CNN3: variants seen among roughly 807,000 people sequenced by gnomAD.
The protein encoded by CNN3 is calponin 3.
A neutral mutation model predicts 39.0 loss-of-function variants in CNN3; 11 were observed. That is an observed-to-expected ratio of 0.28 (90% CI 0.18 to 0.47). The LOEUF (loss-of-function observed/expected upper bound fraction) is 0.47. Ranked by LOEUF, CNN3 falls within the 20% of genes least tolerant of loss-of-function variation. The pLI, the probability that CNN3 is intolerant of heterozygous loss-of-function variation, is 0.99. For missense variants in CNN3, 266 were observed against 403.4 expected, an observed-to-expected ratio of 0.66 and a Z score of 2.92; for synonymous variants, 101 against 138.3, an observed-to-expected ratio of 0.73 and a Z score of 1.89.
chr1:94,900,390 T>C (rs1334345650), intron 5 of CNN3, among the ~76,000 whole-genome samples: 3 of 152,212 alleles, frequency 2.0e-5, no homozygotes, highest in Non-Finnish European at 4.4e-5. Flanking sequence ...TATATATCTA[T>C]AGATGCACAT....
intron 6 of CNN3, among the ~76,000 whole-genome samples, 180 bp downstream of exon 6, chr1:94,899,191 C>T (rs549808734): frequency 1.3e-5 from 2 of 152,260 alleles, no homozygotes; most frequent in African/African-American, 4.8e-5. Context: ...AACCACGAGA[C>T]ACATCATGCT....
chr1:94,906,263 G>A (rs1451750230), intron 1 of CNN3, among the ~76,000 whole-genome samples: 4 of 152,314 alleles, frequency 2.6e-5, no homozygotes, highest in African/African-American at 4.8e-5. Context: ...GATTAAAGGC[G>A]TGAGCCACTG....
intron 1 of CNN3, among the ~76,000 whole-genome samples, chr1:94,904,248 C>G (rs994137163): frequency 6.6e-6 from 1 of 152,148 alleles, no homozygotes; most frequent in African/African-American, 2.4e-5. Flanking sequence ...GGCCAACTTA[C>G]CAACACAAAT....
chr1:94,925,759 G>A (rs1671559864), intron 1 of CNN3: 2 of 985,330 alleles, frequency 2.0e-6, no homozygotes, highest in African/African-American at 1.7e-5. Context: ...TTGGGCTCCC[G>A]GGAGGTTAAT....
intron 1 of CNN3, chr1:94,925,640 C>G: frequency 1.0e-6 from 1 of 985,472 alleles, no homozygotes. Flanking sequence ...TACCTCTTTA[C>G]ATAATTCGCT....
At chr1:94,903,209 G>C in intron 2 of CNN3, 21 bp from the exon 3 acceptor site, 1 of 1,605,234 alleles carries the variant, frequency 6.2e-7, no homozygotes, top group Non-Finnish European at 8.5e-7. Context: ...AAATATGAGA[G>C]ACATCTTATT....
rs532498156 is a variant in CNN3, at chr1:94,906,169, G to A, written c.58-2645C>T. Among the ~76,000 whole-genome samples the A allele has an allele frequency of 2.0e-5, 3 of 152,134 alleles. No individual in the cohort carries two copies. The South Asian group carries it at 6.2e-4, about 32-fold the overall frequency. On this transcript the variant is annotated intron_variant, in intron 1 of 6. Coordinates refer to ENST00000370206, the MANE Select transcript of CNN3 (RefSeq NM_001839.5). The stretch of plus-strand genomic sequence containing the variant: ...CGCTAATTTTCATGTTTTTAGCAGA[G>A]ACGGGGTTTCACCATGTTGGCCAGC...
intron 1 of CNN3, among the ~76,000 whole-genome samples, chr1:94,920,930 G>A (rs767514345): frequency 6.6e-6 from 1 of 152,164 alleles, no homozygotes; most frequent in Non-Finnish European, 1.5e-5. Context: ...GAGGGTACAA[G>A]TACACATAAA....
Position 94,926,795 on chromosome 1 carries a change from AG to A in CNN3, c.57+42del. On this transcript the variant is annotated intron_variant, in intron 1 of 6. Coordinates refer to ENST00000370206, the MANE Select transcript of CNN3 (RefSeq NM_001839.5). This position sits in a 1 kb window ranked among gnomAD's most constrained non-coding sequence, Gnocchi z 4.2. ...CACGGCCCAGCGCCAGGCCAGCCCA[AG>A]GGTGCCCCGGGGGCCCCCGCGCCCG... 6.3e-7 allele frequency: 1 copy of A among 1,592,024 alleles called. No individual in the cohort carries two copies. The highest frequency in any genetic ancestry group is 1.1e-5 in the South Asian group (1 of 88,630).
chr1:94,915,368 A>G (rs903825675), intron 1 of CNN3, among the ~76,000 whole-genome samples: 4 of 152,164 alleles, frequency 2.6e-5, no homozygotes, highest in Non-Finnish European at 1.5e-5. Context: ...ATCAACTACA[A>G]GATTCAGAGT....
chr1:94,918,030 A>G (rs577529751), intron 1 of CNN3, among the ~76,000 whole-genome samples: 38 of 152,202 alleles, frequency 2.5e-4, no homozygotes, highest in Non-Finnish European at 3.8e-4. Flanking sequence ...TCTCTGTACT[A>G]TACACAGTCT....
In CNN3 at chr1:94,920,940, ATAAGT is replaced by A. The variant is rs1460661282; in HGVS notation, c.57+5893_57+5897del. 8.9e-4 allele frequency among the ~76,000 whole-genome samples: 136 copies of A among 152,384 alleles called. 1 individual carries two copies. Among genetic ancestry groups the A allele is most frequent in the Non-Finnish European group, 1.8e-4 (12 of 68,038 alleles). On this transcript the variant is annotated intron_variant, in intron 1 of 6. Transcript: ENST00000370206. ...AATCTGAGGGTACAAGTACACATAA[ATAAGT>A]TAAGAGCCCATTTGGGCTATAAAAT... is the stretch of plus-strand genomic sequence containing the variant.
Position 94,927,046 on chromosome 1 carries a change from T to G in CNN3, c.-152A>C. 5.2e-6 allele frequency: 4 copies of G among 765,746 alleles called. No homozygotes were observed. The highest frequency in any genetic ancestry group is 8.2e-6 in the Non-Finnish European group (4 of 484,994). The allele number at this position is 765,746 out of a possible 1,614,324, so 47.4% of individuals were successfully genotyped here. On this transcript the variant is annotated 5_prime_UTR_variant, in exon 1 of 7. Transcript: ENST00000370206. ...GGAGACGGCCGCGGGGCGCGGGCGG[T>G]GCCTGGGCGACTGGGTCCAACTGGG...
chr1:94,905,125 G>C (rs926561144), intron 1 of CNN3, among the ~76,000 whole-genome samples: 1 of 152,160 alleles, frequency 6.6e-6, no homozygotes, highest in Admixed American at 6.5e-5. Flanking sequence ...TTCCAAGGGA[G>C]AGAGCCTGAT....
chr1:94,920,315 C>T (rs1380532432), intron 1 of CNN3, among the ~76,000 whole-genome samples: 4 of 152,154 alleles, frequency 2.6e-5, no homozygotes, highest in Admixed American at 6.5e-5. Flanking sequence ...AAATGAAACA[C>T]AGTAGTACTG....
chr1:94,918,789 G>T (rs1321724767), intron 1 of CNN3, among the ~76,000 whole-genome samples: 2 of 151,818 alleles, frequency 1.3e-5, no homozygotes, highest in African/African-American at 2.4e-5. Context: ...AGCTTCTCAG[G>T]AGGCTGAGGT....
chr1:94,927,000 C>T lies in CNN3; in HGVS notation c.-106G>A, dbSNP rs1671605273. The T allele has an allele frequency of 1.6e-6, 2 of 1,288,960 alleles. No individual in the cohort carries two copies. Among genetic ancestry groups the T allele is most frequent in the Non-Finnish European group, 2.2e-6 (2 of 920,738 alleles). The allele number at this position is 1,288,960 out of a possible 1,614,324, so 79.8% of individuals were successfully genotyped here. A position where few individuals can be genotyped will look rare whatever the true frequency, so the allele number is the denominator to read the frequency against. ...GTGGCCGCCGCGGGGGATGCTCGAACTCCCTCCTCTGGGAGGCGCAGGAGA... is the reference window on the plus strand; with the variant it reads ...GTGGCCGCCGCGGGGGATGCTCGAATTCCCTCCTCTGGGAGGCGCAGGAGA... On this transcript the variant is annotated 5_prime_UTR_variant, in exon 1 of 7. Coordinates refer to ENST00000370206, the MANE Select transcript of CNN3 (RefSeq NM_001839.5). The surrounding 1 kb of genome is among the most constrained non-coding windows in gnomAD (Gnocchi z 4.2).
intron 1 of CNN3, among the ~76,000 whole-genome samples, chr1:94,917,058 T>C (rs1571532062): frequency 1.3e-5 from 2 of 152,296 alleles, no homozygotes; most frequent in South Asian, 2.1e-4. Context: ...GTTTTTGAGA[T>C]GGAATTTCGC....
chr1:94,921,761 C>T (rs983825129), intron 1 of CNN3, among the ~76,000 whole-genome samples: 1 of 152,190 alleles, frequency 6.6e-6, no homozygotes, highest in Non-Finnish European at 1.5e-5. Context: ...CGATAATCCT[C>T]GTTAAAACTC....
Sources: allele counts gnomAD v4.1 joint callset (sites outside exome capture counted in the v4.1 genomes callset), GRCh38; gene constraint gnomAD v4.1.1; non-coding constraint Gnocchi (gnomAD v3.1); transcripts MANE v1.5; gene names NCBI Gene and HGNC (gene_info 2026-07-23, HGNC 2026-07-21).